Variants in CPNE2 observed in about 807,000 individuals in gnomAD.
The protein encoded by CPNE2 is copine 2.
In CPNE2, 42 loss-of-function variants were observed where a neutral mutation model predicts 69.7. The observed-to-expected ratio is 0.60, with a 90% CI of 0.47 to 0.78. CPNE2 has a LOEUF of 0.78. Among genes scored for constraint, CPNE2 ranks in the 30% least tolerant of loss-of-function variants. CPNE2 has a pLI of 0.00. For missense variants in CPNE2, 587 were observed against 732.0 expected, an observed-to-expected ratio of 0.80 and a Z score of 2.29; for synonymous variants, 294 against 289.8, an observed-to-expected ratio of 1.01 and a Z score of -0.15.
intron 12 of CPNE2, among the ~76,000 whole-genome samples, 200 bp from the exon 13 acceptor site, chr16:57,134,575 G>A (rs1210038923): frequency 1.3e-5 from 2 of 152,156 alleles, no homozygotes; most frequent in Non-Finnish European, 2.9e-5. Flanking sequence ...TGAGGAGAGG[G>A]TGGTTGGGCC....
intron 1 of CPNE2, among the ~76,000 whole-genome samples, chr16:57,104,380 TAAAAA>T (rs1159960766): frequency 6.6e-6 from 1 of 152,138 alleles, no homozygotes; most frequent in Non-Finnish European, 1.5e-5. Flanking sequence ...TTCCCTGGCT[TAAAAA>T]AACCACTGCC....
At chr16:57,136,586 T>C (rs1393448350) in intron 13 of CPNE2, among the ~76,000 whole-genome samples, 1 of 152,078 alleles carries the variant, frequency 6.6e-6, no homozygotes, top group Non-Finnish European at 1.5e-5. Context: ...CTCAGAAAGA[T>C]TAAACTACTT....
At chr16:57,109,879 C>G (rs2069669727) in intron 1 of CPNE2, among the ~76,000 whole-genome samples, 1 of 152,186 alleles carries the variant, frequency 6.6e-6, no homozygotes, top group Admixed American at 6.5e-5. Context: ...CCTTATTTTA[C>G]CCAGTTCCTA....
At chr16:57,131,205 T>C (rs1597502451) in intron 12 of CPNE2, among the ~76,000 whole-genome samples, 1 of 152,210 alleles carries the variant, frequency 6.6e-6, no homozygotes. Flanking sequence ...GCCTGTGGGG[T>C]GTGAGGCCAG....
rs551718487 is a variant in CPNE2, at chr16:57,146,390, T to C, written c.1539+69T>C. On this transcript the variant is annotated intron_variant, in intron 15 of 15. Transcript: ENST00000290776. The surrounding 1 kb of genome is among the most constrained non-coding windows in gnomAD (Gnocchi z 4.4). Reference sequence around the variant, plus strand: ...AGCCACCATAGCTCATAATCAAGCTTGAGAGTCTTGGGGTTGTCTGGCCCA... The same window carrying C: ...AGCCACCATAGCTCATAATCAAGCTCGAGAGTCTTGGGGTTGTCTGGCCCA... 1.5e-6 allele frequency: 2 copies of C among 1,343,170 alleles called. No individual in the cohort carries two copies. The highest frequency in any genetic ancestry group is 2.9e-5 in the African/African-American group (2 of 69,252). The allele number at this position is 1,343,170 out of a possible 1,614,324, so 83.2% of individuals were successfully genotyped here.
intron 13 of CPNE2, 140 bp from the exon 14 acceptor site, chr16:57,137,009 C>T (rs2069886461): frequency 2.4e-6 from 3 of 1,250,044 alleles, no homozygotes; most frequent in Admixed American, 2.6e-5. Flanking sequence ...TGGCAGCTTC[C>T]AGTCTGTCTC....
chr16:57,093,306 C>A (rs894952868), intron 1 of CPNE2, among the ~76,000 whole-genome samples: 5 of 151,296 alleles, frequency 3.3e-5, no homozygotes, highest in African/African-American at 1.2e-4. Flanking sequence ...GGGAGTGGAG[C>A]TGGGCAGCTT....
At chr16:57,126,507 G>A (rs2069802275) in intron 11 of CPNE2, among the ~76,000 whole-genome samples, 1 of 151,822 alleles carries the variant, frequency 6.6e-6, no homozygotes, top group East Asian at 1.9e-4. Context: ...GGGTCGGGCT[G>A]GGTACCACGG....
Position 57,124,382 on chromosome 16 carries a change from C to T in CPNE2, c.927+909C>T, listed in dbSNP as rs191536202. The T allele has an allele frequency of 1.1e-4, 51 of 456,440 alleles. No homozygotes were observed. In the Middle Eastern group the frequency reaches 2.0e-3, roughly 18 times the overall value. The allele number at this position is 456,440 out of a possible 1,614,324, so 28.3% of individuals were successfully genotyped here. On this transcript the variant is annotated intron_variant, in intron 10 of 15. Transcript: ENST00000290776. ...CAGGCATGAGTCACTGGGCCTGGCC[C>T]TCACTATTTTCCTATTTTCTGGGCA... is the stretch of plus-strand genomic sequence containing the variant.
chr16:57,121,637 C>T, intron 8 of CPNE2, 37 bp from the exon 9 acceptor site: 1 of 1,594,894 alleles, frequency 6.3e-7, no homozygotes, highest in Non-Finnish European at 8.6e-7. Flanking sequence ...TCCAAAGAAG[C>T]CCCGAGGTGA....
chr16:57,103,658 CCT>C (rs1351537250), intron 1 of CPNE2, among the ~76,000 whole-genome samples: 2 of 152,196 alleles, frequency 1.3e-5, no homozygotes, highest in Admixed American at 6.5e-5. Flanking sequence ...CCTGTGCCTG[CCT>C]CTCTCACTGT....
At chr16:57,122,057 T>C (rs1473456511) in intron 9 of CPNE2, among the ~76,000 whole-genome samples, 2 of 152,224 alleles carry the variant, frequency 1.3e-5, no homozygotes, top group East Asian at 3.9e-4. Flanking sequence ...AGAATTGTCA[T>C]TGCGAGTTGC....
At chr16:57,114,789 T>C (rs16966328) in intron 3 of CPNE2, among the ~76,000 whole-genome samples, 49,835 of 151,558 alleles carry the variant, frequency 0.33, 8,342 homozygotes, top group Middle Eastern at 0.43. Flanking sequence ...GTATTACCTA[T>C]TGAAACCAAT....
intron 12 of CPNE2, among the ~76,000 whole-genome samples, chr16:57,133,117 C>T (rs1196686224): frequency 1.3e-5 from 2 of 152,132 alleles, no homozygotes. Context: ...TCCATACAAG[C>T]CCCCCTCGTA....
intron 1 of CPNE2, among the ~76,000 whole-genome samples, chr16:57,096,608 A>G (rs2069579512): frequency 6.7e-6 from 1 of 148,874 alleles, no homozygotes; most frequent in Non-Finnish European, 1.5e-5. Context: ...CTGAGGTGGG[A>G]GGATTGCTTG....
intron 14 of CPNE2, among the ~76,000 whole-genome samples, chr16:57,138,766 G>A (rs2069901365): frequency 6.6e-6 from 1 of 152,228 alleles, no homozygotes; most frequent in Non-Finnish European, 1.5e-5. Flanking sequence ...CCTGGGCTGT[G>A]CAGGCTCATC....
rs185713855 is a variant in CPNE2, at chr16:57,146,352, G to T, written c.1539+31G>T. On this transcript the variant is annotated intron_variant, in intron 15 of 15. Transcript: ENST00000290776. The surrounding 1 kb of genome is among the most constrained non-coding windows in gnomAD (Gnocchi z 4.4). ...TGTGGGCCTGGGCTGGGAGGGGGCG[G>T]TTACAGGATCCCAGCCACCATAGCT... is the stretch of plus-strand genomic sequence containing the variant. The T allele has an allele frequency of 6.0e-6, 9 of 1,506,370 alleles. No individual in the cohort carries two copies. The highest frequency in any genetic ancestry group is 1.4e-5 in the African/African-American group (1 of 72,418). The allele number at this position is 1,506,370 out of a possible 1,614,324, so 93.3% of individuals were successfully genotyped here. A position where few individuals can be genotyped will look rare whatever the true frequency, so the allele number is the denominator to read the frequency against.
intron 1 of CPNE2, among the ~76,000 whole-genome samples, chr16:57,094,424 G>A (rs2069565289): frequency 6.6e-6 from 1 of 152,130 alleles, no homozygotes; most frequent in African/African-American, 2.4e-5. Flanking sequence ...GGAATGTCAT[G>A]AGAATTAAAA....
At chr16:57,147,222 C>T (rs2291406) in intron 15 of CPNE2, 8,556 of 234,118 alleles carry the variant, frequency 0.037, 499 homozygotes, top group East Asian at 0.22. Flanking sequence ...CATTTATTCC[C>T]GCCAAGAAGG....
Sources: gnomAD v4.1 joint callset for allele counts (sites outside exome capture counted in the v4.1 genomes callset) on GRCh38, gnomAD v4.1.1 for gene constraint, Gnocchi (gnomAD v3.1) non-coding constraint, MANE v1.5 for transcripts, NCBI Gene and HGNC (gene_info 2026-07-23, HGNC 2026-07-21) for gene names.